LMO2: variants seen among roughly 807,000 people sequenced by gnomAD.
LMO2 encodes LIM domain only 2.
In LMO2, 20 loss-of-function variants were observed where a neutral mutation model predicts 23.2. That is an observed-to-expected ratio of 0.86 (90% CI 0.61 to 1.25). The LOEUF is 1.25. Ranked by LOEUF, LMO2 falls within the 50% of genes most tolerant of loss-of-function variation. The pLI, the probability that LMO2 is intolerant of heterozygous loss-of-function variation, is 0.00. For missense variants in LMO2, 270 were observed against 315.3 expected (o/e 0.86, Z 1.09); for synonymous variants, 123 against 130.2 (o/e 0.94, Z 0.38).
chr11:33,863,433 T>C (rs925511633), intron 5 of LMO2, among the ~76,000 whole-genome samples: 1 of 152,124 alleles, frequency 6.6e-6, no homozygotes, highest in African/African-American at 2.4e-5. Flanking sequence ...GTTTCTATAA[T>C]GTAAAATGCT....
intron 1 of LMO2, among the ~76,000 whole-genome samples, chr11:33,889,931 G>A (rs1326572617): frequency 2.0e-5 from 3 of 152,134 alleles, no homozygotes; most frequent in Non-Finnish European, 2.9e-5. Flanking sequence ...AAACTGTGGT[G>A]TATATATATG....
intron 5 of LMO2, among the ~76,000 whole-genome samples, chr11:33,861,278 C>T (rs140234407): frequency 0.011 from 1,642 of 152,304 alleles, 15 homozygotes; most frequent in Non-Finnish European, 0.016. Flanking sequence ...AATGCTTGCT[C>T]TTATTGGAAG....
intron 1 of LMO2, among the ~76,000 whole-genome samples, chr11:33,882,838 T>C (rs10768034): frequency 0.21 from 31,726 of 152,058 alleles, 3,377 homozygotes; most frequent in South Asian, 0.32. Flanking sequence ...GCTGCATAAA[T>C]GTAGGAGACG....
At chr11:33,861,000 G>A (rs1590626891) in intron 5 of LMO2, among the ~76,000 whole-genome samples, 1 of 152,310 alleles carries the variant, frequency 6.6e-6, no homozygotes, top group East Asian at 1.9e-4. Context: ...AGCCCTGAGT[G>A]ACCCTGGAGA....
At chr11:33,882,395 G>T (rs1384904816) in intron 1 of LMO2, among the ~76,000 whole-genome samples, 35 of 152,228 alleles carry the variant, frequency 2.3e-4, no homozygotes, top group Admixed American at 2.3e-3. Flanking sequence ...GTAGCCTGGT[G>T]CCCATTTGAT....
At chr11:33,869,630 G>A (rs1484612550) in intron 3 of LMO2, 44 bp from the exon 4 acceptor site, 3 of 1,258,976 alleles carry the variant, frequency 2.4e-6, no homozygotes, top group Non-Finnish European at 2.0e-6. Context: ...GGCTGCGGGC[G>A]CGCCGCGGCC....
At chr11:33,865,873 G>A (rs944044109) in intron 4 of LMO2, among the ~76,000 whole-genome samples, 1 of 152,194 alleles carries the variant, frequency 6.6e-6, no homozygotes, top group Admixed American at 6.5e-5. Flanking sequence ...CCCCACATGG[G>A]ACACAGCAAA....
intron 1 of LMO2, among the ~76,000 whole-genome samples, chr11:33,883,027 C>T (rs1046435954): frequency 2.2e-4 from 33 of 152,206 alleles, no homozygotes; most frequent in Non-Finnish European, 2.9e-5. Context: ...AAATAGCCTC[C>T]TCCCCAGGCA....
intron 1 of LMO2, among the ~76,000 whole-genome samples, chr11:33,889,597 C>T (rs887810297): frequency 6.6e-6 from 1 of 152,192 alleles, no homozygotes; most frequent in South Asian, 2.1e-4. Flanking sequence ...CACTCCTAGG[C>T]TCTTGTTATA....
chr11:33,861,239 A>G (rs1180732011), intron 5 of LMO2, among the ~76,000 whole-genome samples: 1 of 152,256 alleles, frequency 6.6e-6, no homozygotes, highest in Non-Finnish European at 1.5e-5. Flanking sequence ...GGTGGTTTCT[A>G]CATAAAACCT....
intron 4 of LMO2, among the ~76,000 whole-genome samples, chr11:33,866,045 A>G (rs919073547): frequency 6.6e-6 from 1 of 152,202 alleles, no homozygotes; most frequent in Non-Finnish European, 1.5e-5. Flanking sequence ...TGCAGGTATA[A>G]ATCCATGTCT....
chr11:33,885,494 A>G (rs991753194), intron 1 of LMO2, among the ~76,000 whole-genome samples: 2 of 152,214 alleles, frequency 1.3e-5, no homozygotes, highest in South Asian at 2.1e-4. Context: ...AGGAGGCCCA[A>G]CATTGCATGA....
intron 2 of LMO2, among the ~76,000 whole-genome samples, chr11:33,875,944 G>A (rs572170830): frequency 6.6e-6 from 1 of 152,306 alleles, no homozygotes; most frequent in East Asian, 1.9e-4. Context: ...CTATTATCTG[G>A]CCTCTGCTGC....
intron 1 of LMO2, among the ~76,000 whole-genome samples, chr11:33,882,178 A>G (rs1857299607): frequency 6.6e-6 from 1 of 151,630 alleles, no homozygotes; most frequent in Non-Finnish European, 1.5e-5. Context: ...CTTATTCTTC[A>G]CTTACCAGCC....
intron 1 of LMO2, among the ~76,000 whole-genome samples, chr11:33,885,742 G>A (rs1857390239): frequency 6.6e-6 from 1 of 152,212 alleles, no homozygotes; most frequent in Non-Finnish European, 1.5e-5. Flanking sequence ...ATCCCCCAAG[G>A]GAAGCTGTTT....
intron 2 of LMO2, among the ~76,000 whole-genome samples, chr11:33,874,586 A>G (rs1051973968): frequency 6.6e-6 from 1 of 152,248 alleles, no homozygotes; most frequent in Non-Finnish European, 1.5e-5. Flanking sequence ...GTATTACCCC[A>G]TCTTTCAGAA....
chr11:33,882,275 G>A (rs1857302450), intron 1 of LMO2, among the ~76,000 whole-genome samples: 1 of 152,166 alleles, frequency 6.6e-6, no homozygotes, highest in African/African-American at 2.4e-5. Flanking sequence ...GCACCTGCCG[G>A]TCTGAGAAAG....
chr11:33,879,876 A>G (rs1857222812), intron 2 of LMO2, among the ~76,000 whole-genome samples: 1 of 152,170 alleles, frequency 6.6e-6, no homozygotes, highest in Non-Finnish European at 1.5e-5. Flanking sequence ...GAGGGTTTGG[A>G]GTACTTGTGT....
At chr11:33,889,405 A>G (rs1857490320) in intron 1 of LMO2, among the ~76,000 whole-genome samples, 1 of 152,204 alleles carries the variant, frequency 6.6e-6, no homozygotes. Context: ...AGGCAGCAGC[A>G]TCCGTTCAAC....
Sources: allele counts gnomAD v4.1 joint callset (sites outside exome capture counted in the v4.1 genomes callset), GRCh38; gene constraint gnomAD v4.1.1; transcripts MANE v1.5; gene names NCBI Gene and HGNC (gene_info 2026-07-23, HGNC 2026-07-21).